TENM3: variants seen among roughly 807,000 people sequenced by gnomAD.
TENM3 encodes teneurin-3.
TENM3 carries 63 observed loss-of-function variants against 255.1 expected under a neutral mutation model. That is an observed-to-expected ratio of 0.25 (90% CI 0.20 to 0.30). The LOEUF (loss-of-function observed/expected upper bound fraction) is 0.30, where lower values mean the gene tolerates loss of function less well. Among genes scored for constraint, TENM3 ranks in the 10% least tolerant of loss-of-function variants. The pLI is 1.00. For synonymous variants in TENM3, 1,306 were observed against 1,322.3 expected (o/e 0.99, Z 0.27); for missense variants, 2,929 against 3,461.1 (o/e 0.85, Z 3.86).
chr4:181,719,256 T>A, the TENM3 span, among the ~76,000 whole-genome samples: 53 of 147,756 alleles, frequency 3.6e-4, no homozygotes, highest in South Asian at 7.5e-3. Flanking sequence ...AAAATGAAAA[T>A]ATATATATAT....
At chr4:182,688,068 T>G in intron 11 of TENM3, 98 bp from the exon 12 acceptor site, 1 of 1,210,056 alleles carries the variant, frequency 8.3e-7, no homozygotes, top group Non-Finnish European at 1.1e-6. Flanking sequence ...GTGTTTCCCT[T>G]GAACAAATTT....
chr4:181,917,506 G>A, the TENM3 span, among the ~76,000 whole-genome samples: 2,799 of 152,224 alleles, frequency 0.018, 39 homozygotes, highest in Non-Finnish European at 0.027. Context: ...CAGAGAAGAA[G>A]CAAGGTATCA....
At chr4:182,052,787 G>A in the TENM3 span, among the ~76,000 whole-genome samples, 8 of 152,014 alleles carry the variant, frequency 5.3e-5, no homozygotes, top group African/African-American at 1.7e-4. Context: ...AAGTGTTTCT[G>A]TAAGTCAAGG....
Position 182,738,397 on chromosome 4 carries a change from C to G in TENM3, c.3236-4C>G. ...AGATGAGCTGTGATTTGTTTGGATTCCAGTGTCAGTTGGATATGAGTATGA... is the reference window on the plus strand; with the variant it reads ...AGATGAGCTGTGATTTGTTTGGATTGCAGTGTCAGTTGGATATGAGTATGA... On this transcript the variant is annotated splice_region_variant and splice_polypyrimidine_tract_variant and intron_variant, in intron 17 of 27. Coordinates refer to ENST00000511685, the MANE Select transcript of TENM3 (RefSeq NM_001080477.4). The G allele has an allele frequency of 6.3e-7, 1 of 1,595,504 alleles. No individual in the cohort carries two copies. Among genetic ancestry groups the G allele is most frequent in the Non-Finnish European group, 8.5e-7 (1 of 1,171,544 alleles).
chr4:182,214,045 C>G (rs566908012), intron 1 of TENM3, among the ~76,000 whole-genome samples: 3 of 152,212 alleles, frequency 2.0e-5, no homozygotes, highest in South Asian at 2.1e-4. Flanking sequence ...CTTGTGATCC[C>G]CCCGCTGCGG....
chr4:182,526,064 C>G (rs1004662788), intron 3 of TENM3, among the ~76,000 whole-genome samples: 1 of 152,206 alleles, frequency 6.6e-6, no homozygotes, highest in East Asian at 1.9e-4. Flanking sequence ...ACTGCAAGCT[C>G]TGCCTCGCAG....
the TENM3 span, among the ~76,000 whole-genome samples, chr4:182,024,467 A>T: frequency 2.0e-5 from 3 of 152,138 alleles, no homozygotes; most frequent in African/African-American, 7.2e-5. Flanking sequence ...TATAATCTGT[A>T]TTTTTTAAAA....
intron 19 of TENM3, among the ~76,000 whole-genome samples, chr4:182,747,176 C>G: frequency 6.6e-6 from 1 of 152,052 alleles, no homozygotes; most frequent in East Asian, 1.9e-4. Flanking sequence ...ATGGTATTGC[C>G]AGTTGTTAAT....
chr4:182,292,671 C>G (rs1267567016), intron 1 of TENM3, among the ~76,000 whole-genome samples: 2 of 152,168 alleles, frequency 1.3e-5, no homozygotes, highest in African/African-American at 4.8e-5. Context: ...GGGCGTTGAA[C>G]CCTCACTCTG....
intron 5 of TENM3, among the ~76,000 whole-genome samples, chr4:182,640,487 A>G (rs1160396693): frequency 1.3e-5 from 2 of 152,184 alleles, no homozygotes; most frequent in Non-Finnish European, 2.9e-5. Context: ...ACCTAACTAT[A>G]TTGTTTCAGT....
At chr4:181,619,118 TC>T in the TENM3 span, among the ~76,000 whole-genome samples, 1 of 152,070 alleles carries the variant, frequency 6.6e-6, no homozygotes, top group Admixed American at 6.5e-5. Context: ...CCCAAGCCTC[TC>T]CCAAGGGGGC....
the TENM3 span, among the ~76,000 whole-genome samples, chr4:181,628,415 A>C: frequency 2.0e-5 from 3 of 152,186 alleles, no homozygotes; most frequent in Non-Finnish European, 4.4e-5. Flanking sequence ...GCCCATGCCT[A>C]TGTCCTGAAT....
In TENM3 at chr4:182,699,829, A is replaced by G. The variant is rs993785215; in HGVS notation, c.2221+11478A>G. ...CATTTGGAACACCTCATTAATTTGT[A>G]TCTTTTAAAAACCATCTAAGATCTA... is the stretch of plus-strand genomic sequence containing the variant. On this transcript the variant is annotated intron_variant, in intron 12 of 27. Transcript: ENST00000511685. 9.9e-5 allele frequency among the ~76,000 whole-genome samples: 15 copies of G among 152,254 alleles called. No homozygotes were observed. The South Asian group carries it at 2.1e-3, about 21-fold the overall frequency.
chr4:181,762,929 C>T, the TENM3 span, among the ~76,000 whole-genome samples: 13 of 141,826 alleles, frequency 9.2e-5, no homozygotes, highest in Middle Eastern at 3.6e-3. Context: ...AAAAAAAAAA[C>T]GAGATTAATA....
intron 6 of TENM3, among the ~76,000 whole-genome samples, chr4:182,656,506 C>T (rs1016684890): frequency 1.3e-5 from 2 of 152,070 alleles, no homozygotes; most frequent in African/African-American, 4.8e-5. Context: ...TTTCGGCTTT[C>T]GTGATGAACC....
intron 1 of TENM3, among the ~76,000 whole-genome samples, chr4:182,223,196 A>G (rs975435742): frequency 1.3e-5 from 2 of 152,194 alleles, no homozygotes; most frequent in African/African-American, 4.8e-5. Flanking sequence ...AAACAAGTTA[A>G]TCATCATTCA....
intron 3 of TENM3, among the ~76,000 whole-genome samples, chr4:182,481,962 C>G (rs1580701845): frequency 6.6e-6 from 1 of 152,060 alleles, no homozygotes; most frequent in South Asian, 2.1e-4. Flanking sequence ...TATGACATAC[C>G]AAAGAAGTAA....
At chr4:182,301,243 C>G (rs951234799) in intron 1 of TENM3, among the ~76,000 whole-genome samples, 2 of 152,188 alleles carry the variant, frequency 1.3e-5, no homozygotes, top group African/African-American at 4.8e-5. Flanking sequence ...TGTTCCATCA[C>G]CCCTCTACGT....
the TENM3 span, among the ~76,000 whole-genome samples, chr4:181,794,982 G>A: frequency 3.0e-4 from 46 of 152,180 alleles, no homozygotes; most frequent in African/African-American, 9.2e-4. Context: ...AAGGTAATTC[G>A]GATTGGGAAA....
Sources: gnomAD v4.1 joint callset for allele counts (sites outside exome capture counted in the v4.1 genomes callset) on GRCh38, gnomAD v4.1.1 for gene constraint, MANE v1.5 for transcripts, NCBI Gene and HGNC (gene_info 2026-07-23, HGNC 2026-07-21) for gene names.